AK5: variants seen among roughly 807,000 people sequenced by gnomAD.
The protein encoded by AK5 is adenylate kinase 5, also known as adenylate kinase isoenzyme 5.
A neutral mutation model predicts 69.5 loss-of-function variants in AK5; 27 were observed. That is an observed-to-expected ratio of 0.39 (90% CI 0.29 to 0.54). The LOEUF (loss-of-function observed/expected upper bound fraction) is 0.54, where lower values mean the gene tolerates loss of function less well. Among genes scored for constraint, AK5 ranks in the 20% least tolerant of loss-of-function variants. AK5 has a pLI of 0.71. For missense variants in AK5, 531 were observed against 700.4 expected, an observed-to-expected ratio of 0.76 and a Z score of 2.73; for synonymous variants, 260 against 244.4, an observed-to-expected ratio of 1.06 and a Z score of -0.60.
chr1:77,282,987 C>G, intron 1 of AK5: 1 of 985,556 alleles, frequency 1.0e-6, no homozygotes, highest in Non-Finnish European at 1.2e-6. Flanking sequence ...TTCCCGTTGC[C>G]TAGGAAGGGT....
intron 13 of AK5, among the ~76,000 whole-genome samples, chr1:77,558,364 G>A (rs561843792): frequency 4.6e-5 from 7 of 152,092 alleles, no homozygotes; most frequent in Middle Eastern, 3.4e-3. Context: ...AGCATTTGGC[G>A]GTGTCAGTGC....
chr1:77,382,227 A>ATT (rs11306378), intron 6 of AK5, among the ~76,000 whole-genome samples: 1,726 of 136,748 alleles, frequency 0.013, 12 homozygotes, highest in Non-Finnish European at 0.017. Context: ...TAATCTTTTA[A>ATT]TTTTTTTTTT....
intron 6 of AK5, among the ~76,000 whole-genome samples, chr1:77,377,999 A>T (rs1301560497): frequency 8.2e-6 from 1 of 121,636 alleles, no homozygotes; most frequent in Non-Finnish European, 2.0e-5. Flanking sequence ...TTGTTTTATT[A>T]TGAATGTTTT....
chr1:77,290,354 AC>A (rs1658618987), intron 2 of AK5, among the ~76,000 whole-genome samples: 1 of 152,234 alleles, frequency 6.6e-6, no homozygotes, highest in African/African-American at 2.4e-5. Flanking sequence ...CTTAAAGCAT[AC>A]TGATTATTTC....
chr1:77,475,884 G>A (rs1178977394), intron 8 of AK5, among the ~76,000 whole-genome samples: 1 of 152,146 alleles, frequency 6.6e-6, no homozygotes, highest in Middle Eastern at 3.4e-3. Flanking sequence ...CAAGATCAAA[G>A]TGTTTCATAA....
At chr1:77,351,710 C>G (rs1662211377) in intron 6 of AK5, among the ~76,000 whole-genome samples, 1 of 152,106 alleles carries the variant, frequency 6.6e-6, no homozygotes, top group African/African-American at 2.4e-5. Flanking sequence ...TGACTGGCAC[C>G]TGTATCTCAT....
intron 8 of AK5, among the ~76,000 whole-genome samples, chr1:77,470,848 TATATATATATATATATATATATATA>T (rs1318242981): frequency 0.042 from 540 of 12,816 alleles, 47 homozygotes; most frequent in Non-Finnish European, 0.062. Context: ...TATATATATA[TATATATATATATATATATATATATA>T]TATTTTTTTT....
chr1:77,543,608 T>G (rs950929690), intron 13 of AK5, among the ~76,000 whole-genome samples: 1 of 152,144 alleles, frequency 6.6e-6, no homozygotes, highest in African/African-American at 2.4e-5. Context: ...TACGGCTCAT[T>G]GCAGCCTCAA....
chr1:77,382,047 T>A (rs1647672795), intron 6 of AK5, among the ~76,000 whole-genome samples: 1 of 152,174 alleles, frequency 6.6e-6, no homozygotes, highest in African/African-American at 2.4e-5. Flanking sequence ...CCTGGAGATC[T>A]CGGACAACCA....
chr1:77,533,976 AC>A (rs1658816517), intron 12 of AK5, among the ~76,000 whole-genome samples: 1 of 151,666 alleles, frequency 6.6e-6, no homozygotes, highest in Admixed American at 6.6e-5. Context: ...ATTAATACAG[AC>A]AGAAAAGTCG....
intron 6 of AK5, among the ~76,000 whole-genome samples, chr1:77,361,542 T>A (rs1406352112): frequency 6.6e-6 from 1 of 152,204 alleles, no homozygotes; most frequent in African/African-American, 2.4e-5. Context: ...TTTGGGCAAC[T>A]TATACAAAGT....
chr1:77,391,427 A>G (rs1453215645), intron 6 of AK5, among the ~76,000 whole-genome samples: 2 of 121,162 alleles, frequency 1.7e-5, no homozygotes, highest in African/African-American at 3.5e-5. Flanking sequence ...ATATGTATAT[A>G]TATACATATA....
intron 6 of AK5, among the ~76,000 whole-genome samples, chr1:77,361,462 A>AACTATTAAGACTAAGTGAAAT (rs1646863144): frequency 1.3e-5 from 2 of 152,194 alleles, no homozygotes; most frequent in Non-Finnish European, 2.9e-5. Context: ...TGTATAAAGC[A>AACTATTAAGACTAAGTGAAAT]ACTATTAAGA....
intron 13 of AK5, among the ~76,000 whole-genome samples, chr1:77,537,862 TG>T (rs1236450227): frequency 6.6e-6 from 1 of 152,216 alleles, no homozygotes; most frequent in South Asian, 2.1e-4. Flanking sequence ...TCCACATCCA[TG>T]GCCATTGCTA....
At chr1:77,525,631 A>G (rs149896511) in intron 12 of AK5, among the ~76,000 whole-genome samples, 80 of 152,324 alleles carry the variant, frequency 5.3e-4, no homozygotes, top group African/African-American at 1.7e-3. Flanking sequence ...TTCATGAGCA[A>G]TCTGCCCCCA....
intron 10 of AK5, among the ~76,000 whole-genome samples, chr1:77,507,209 C>T (rs1337439955): frequency 6.6e-6 from 1 of 152,210 alleles, no homozygotes; most frequent in African/African-American, 2.4e-5. Flanking sequence ...TCCCAGTGAC[C>T]ATTCCAGTCA....
intron 6 of AK5, among the ~76,000 whole-genome samples, chr1:77,388,398 A>G (rs1648167529): frequency 6.6e-6 from 1 of 152,218 alleles, no homozygotes; most frequent in African/African-American, 2.4e-5. Context: ...GTTAAATGCT[A>G]CATTTAGAGA....
At chr1:77,428,530 C>T (rs1049340276) in intron 8 of AK5, among the ~76,000 whole-genome samples, 4 of 152,172 alleles carry the variant, frequency 2.6e-5, no homozygotes, top group Non-Finnish European at 4.4e-5. Context: ...GTACCTTTGT[C>T]CATTCAACCA....
chr1:77,360,859 T>G (rs1023377676), intron 6 of AK5, among the ~76,000 whole-genome samples: 4 of 152,176 alleles, frequency 2.6e-5, no homozygotes, highest in African/African-American at 9.7e-5. Flanking sequence ...GGATCAAACA[T>G]GAACAAGATA....
Sources: allele counts gnomAD v4.1 joint callset (sites outside exome capture counted in the v4.1 genomes callset), GRCh38; gene constraint gnomAD v4.1.1; transcripts MANE v1.5; gene names NCBI Gene and HGNC (gene_info 2026-07-23, HGNC 2026-07-21).